The following CHFR variants were observed in gnomAD, a reference collection of about 807,000 sequenced individuals.
CHFR encodes the protein checkpoint with forkhead and ring finger domains, also known as E3 ubiquitin-protein ligase CHFR.
CHFR carries 57 observed loss-of-function variants against 87.6 expected under a neutral mutation model. The ratio of observed to expected loss-of-function variants is 0.65; its 90% CI spans 0.53 to 0.81. The LOEUF (loss-of-function observed/expected upper bound fraction) is 0.81, where lower values mean the gene tolerates loss of function less well. Ranked by LOEUF, CHFR falls within the 30% of genes least tolerant of loss-of-function variation. The pLI, the probability that CHFR is intolerant of heterozygous loss-of-function variation, is 0.00. For synonymous variants in CHFR, 381 were observed against 359.2 expected (o/e 1.06, Z -0.69); for missense variants, 797 against 865.8 (o/e 0.92, Z 1.00).
chr12:132,864,156 A>T (rs1408262915), intron 6 of CHFR, among the ~76,000 whole-genome samples: 1 of 151,448 alleles, frequency 6.6e-6, no homozygotes, highest in Non-Finnish European at 1.5e-5. Flanking sequence ...TACAGTATTC[A>T]AATGTAAGTG....
At chr12:132,873,453 G>A (rs1327375108) in intron 3 of CHFR, among the ~76,000 whole-genome samples, 1 of 152,254 alleles carries the variant, frequency 6.6e-6, no homozygotes, top group Admixed American at 6.5e-5. Flanking sequence ...GAGCTGTGCA[G>A]ATGCACTTAT....
At chr12:132,858,975 C>A in intron 8 of CHFR, 93 bp downstream of exon 8, 9 of 1,273,742 alleles carry the variant, frequency 7.1e-6, no homozygotes, top group Non-Finnish European at 8.6e-6. Flanking sequence ...CCAAACAGGA[C>A]CTGCAGGCTT....
intron 6 of CHFR, 127 bp downstream of exon 6, chr12:132,869,492 G>C: frequency 8.8e-6 from 7 of 795,918 alleles, no homozygotes; most frequent in Non-Finnish European, 1.2e-5. Flanking sequence ...GACTCCTACA[G>C]AAATCTCACT....
chr12:132,864,619 G>C (rs1000835794), intron 6 of CHFR, among the ~76,000 whole-genome samples: 2 of 152,136 alleles, frequency 1.3e-5, no homozygotes, highest in African/African-American at 4.8e-5. Context: ...CTCCCGAGTA[G>C]CTGGGATTAC....
rs372406095 is a variant in CHFR, at chr12:132,836,545, G to T, written c.*5009C>A. The stretch of plus-strand genomic sequence containing the variant: ...CACAGTGACAGGCTCCCAGCACGGC[G>T]CACGGCACTCACAGTGACAGGCTCC... On this transcript the variant is annotated 3_prime_UTR_variant, in exon 18 of 18. Transcript: ENST00000450056. 4 of 400,282 alleles carry T rather than the reference G, an allele frequency of 1.0e-5. No individual in the cohort carries two copies. In the East Asian group the frequency reaches 3.5e-4, roughly 35 times the overall value. The allele number at this position is 400,282 out of a possible 1,614,324, so 24.8% of individuals were successfully genotyped here.
rs184158541 is a variant in CHFR, at chr12:132,885,148, G to A, written c.133+2048C>T. On this transcript the variant is annotated intron_variant, in intron 2 of 17. Coordinates refer to ENST00000450056, the MANE Select transcript of CHFR (RefSeq NM_001161346.2). Reference sequence around the variant, plus strand: ...TTTCTGGCCGGGCGCGATAGCTCACGCCTGTAATCCCAGCACTTTGGGAGG... The same window carrying A: ...TTTCTGGCCGGGCGCGATAGCTCACACCTGTAATCCCAGCACTTTGGGAGG... 7.4e-4 allele frequency among the ~76,000 whole-genome samples: 112 copies of A among 151,644 alleles called. 1 individual carries two copies. The East Asian group carries it at 0.013, about 17-fold the overall frequency.
In CHFR at chr12:132,877,664, A is replaced by G; in HGVS notation, c.134-10T>C. 1 of 1,588,680 alleles carries G rather than the reference A, an allele frequency of 6.3e-7. No individual in the cohort carries two copies. The highest frequency in any genetic ancestry group is 8.6e-7 in the Non-Finnish European group (1 of 1,158,386). On this transcript the variant is annotated splice_polypyrimidine_tract_variant and intron_variant, in intron 2 of 17. Coordinates refer to ENST00000450056, the MANE Select transcript of CHFR (RefSeq NM_001161346.2). ...AAGGAAAGGTCGCAACCTAAAAAAG[A>G]GAGGGTGGGTCAACACGGGATATGA...
At chr12:132,861,032 C>T (rs1354059797) in intron 7 of CHFR, among the ~76,000 whole-genome samples, 1 of 152,132 alleles carries the variant, frequency 6.6e-6, no homozygotes, top group African/African-American at 2.4e-5. Context: ...AGATTATAGG[C>T]GGGAGCCACG....
chr12:132,847,406 A>C (rs1469315999), intron 14 of CHFR: 31 of 1,190,110 alleles, frequency 2.6e-5, no homozygotes, highest in Non-Finnish European at 3.3e-5. Context: ...GGTGTGAATG[A>C]GACATGAAAG....
rs940258982 is a variant in CHFR, at chr12:132,836,993, A to G, written c.*4561T>C. 2.4e-4 allele frequency: 86 copies of G among 356,722 alleles called. No homozygotes were observed. The highest frequency in any genetic ancestry group is 1.7e-3 in the African/African-American group (79 of 46,650). The allele number at this position is 356,722 out of a possible 1,614,324, so 22.1% of individuals were successfully genotyped here. A position where few individuals can be genotyped will look rare whatever the true frequency, so the allele number is the denominator to read the frequency against. On this transcript the variant is annotated 3_prime_UTR_variant, in exon 18 of 18. Coordinates refer to ENST00000450056, the MANE Select transcript of CHFR (RefSeq NM_001161346.2). The stretch of plus-strand genomic sequence containing the variant: ...CGATAGTGACAGGTGCTGGGGGGAA[A>G]CTAGACTGGCTGGCGGGGTGGGGGC...
chr12:132,874,391 A>G (rs917894024), intron 3 of CHFR, among the ~76,000 whole-genome samples: 1 of 150,822 alleles, frequency 6.6e-6, no homozygotes, highest in Admixed American at 6.6e-5. Context: ...CAGGCCCTGG[A>G]ACAGGTAGAA....
chr12:132,877,723 T>A, intron 2 of CHFR, 69 bp from the exon 3 acceptor site: 2 of 913,754 alleles, frequency 2.2e-6, no homozygotes, highest in Non-Finnish European at 3.4e-6. Flanking sequence ...GCACTTTGTT[T>A]ACCAAAGTAT....
At chr12:132,880,943 C>CT (rs1951754166) in intron 2 of CHFR, among the ~76,000 whole-genome samples, 1 of 149,458 alleles carries the variant, frequency 6.7e-6, no homozygotes, top group South Asian at 2.1e-4. Context: ...CCAGCCTGGG[C>CT]GACAGAGCGA....
At chr12:132,865,103 C>A (rs1042569045) in intron 6 of CHFR, among the ~76,000 whole-genome samples, 1 of 152,222 alleles carries the variant, frequency 6.6e-6, no homozygotes, top group Non-Finnish European at 1.5e-5. Flanking sequence ...AGTAACCCCG[C>A]GTCCTGTCTG....
chr12:132,861,368 T>C (rs1157624329), intron 7 of CHFR, 99 bp downstream of exon 7: 3 of 1,258,128 alleles, frequency 2.4e-6, no homozygotes, highest in Non-Finnish European at 3.4e-6. Flanking sequence ...CACATGCCCC[T>C]GCAGGAAGCA....
At chr12:132,884,082 T>C (rs1047448989) in intron 2 of CHFR, among the ~76,000 whole-genome samples, 5 of 152,166 alleles carry the variant, frequency 3.3e-5, no homozygotes, top group African/African-American at 1.2e-4. Flanking sequence ...ATCGCACCAC[T>C]GCACTCCAGC....
At chr12:132,876,951 C>G (rs555647601) in intron 3 of CHFR, among the ~76,000 whole-genome samples, 1 of 152,212 alleles carries the variant, frequency 6.6e-6, no homozygotes, top group African/African-American at 2.4e-5. Context: ...CATGCCACAA[C>G]GCCCGGCTAA....
At chr12:132,848,323 C>G (rs1251018308) in intron 13 of CHFR, 168 bp from the exon 14 acceptor site, 6 of 1,244,470 alleles carry the variant, frequency 4.8e-6, no homozygotes, top group Non-Finnish European at 6.8e-6. Flanking sequence ...GAAATGATTT[C>G]CATTCCACTC....
chr12:132,862,859 C>T (rs1201198828), intron 6 of CHFR, among the ~76,000 whole-genome samples: 1 of 150,742 alleles, frequency 6.6e-6, no homozygotes, highest in African/African-American at 2.4e-5. Context: ...GGATTAAAGG[C>T]ATGAGCCACT....
Sources: allele counts gnomAD v4.1 joint callset (sites outside exome capture counted in the v4.1 genomes callset), GRCh38; gene constraint gnomAD v4.1.1; transcripts MANE v1.5; gene names NCBI Gene and HGNC (gene_info 2026-07-23, HGNC 2026-07-21).